Variants in CDH19 observed in about 807,000 individuals in gnomAD.
CDH19 encodes the protein cadherin 19, also known as cadherin-19.
CDH19 carries 67 observed loss-of-function variants against 64.2 expected under a neutral mutation model. The ratio of observed to expected loss-of-function variants is 1.04; its 90% CI spans 0.86 to 1.28. The LOEUF (loss-of-function observed/expected upper bound fraction) is 1.28, where lower values mean the gene tolerates loss of function less well. Among genes scored for constraint, CDH19 ranks in the 50% most tolerant of loss-of-function variants. CDH19 has a pLI of 0.00. For missense variants in CDH19, 1,030 were observed against 929.0 expected, an observed-to-expected ratio of 1.11 and a Z score of -1.41; for synonymous variants, 346 against 319.3, an observed-to-expected ratio of 1.08 and a Z score of -0.89.
At chr18:66,522,327 C>T (rs1986031831) in intron 9 of CDH19, among the ~76,000 whole-genome samples, 1 of 152,006 alleles carries the variant, frequency 6.6e-6, no homozygotes, top group Non-Finnish European at 1.5e-5. Context: ...ACTGCAACCT[C>T]CACCTCCCAA....
intron 3 of CDH19, among the ~76,000 whole-genome samples, chr18:66,560,080 G>A (rs534899284): frequency 2.6e-5 from 4 of 152,182 alleles, no homozygotes; most frequent in African/African-American, 9.6e-5. Context: ...TGTCGCCCAG[G>A]TTGGAGTGCA....
At chr18:66,596,836 A>T (rs1988902523) in intron 1 of CDH19, among the ~76,000 whole-genome samples, 1 of 151,690 alleles carries the variant, frequency 6.6e-6, no homozygotes, top group South Asian at 2.1e-4. Flanking sequence ...TAGTCCCAGC[A>T]CTTTGGGAGG....
At chr18:66,545,831 T>A (rs563778415) in intron 5 of CDH19, among the ~76,000 whole-genome samples, 8 of 152,132 alleles carry the variant, frequency 5.3e-5, no homozygotes, top group African/African-American at 1.9e-4. Context: ...AAGGAGTTGG[T>A]AAGTGAATGT....
intron 1 of CDH19, among the ~76,000 whole-genome samples, chr18:66,601,141 C>A (rs1989028331): frequency 6.6e-6 from 1 of 151,776 alleles, no homozygotes; most frequent in Admixed American, 6.6e-5. Flanking sequence ...TTATGTTTAT[C>A]TTTATGTTTA....
chr18:66,577,156 G>A (rs1318150849), intron 1 of CDH19, among the ~76,000 whole-genome samples: 1 of 151,622 alleles, frequency 6.6e-6, no homozygotes, highest in Non-Finnish European at 1.5e-5. Flanking sequence ...TTGTATAAAT[G>A]CAATTTTAAA....
At chr18:66,595,786 G>A (rs1270374540) in intron 1 of CDH19, among the ~76,000 whole-genome samples, 2 of 152,066 alleles carry the variant, frequency 1.3e-5, no homozygotes, top group African/African-American at 4.8e-5. Context: ...AAAAATTTGA[G>A]GAGGATGGAC....
chr18:66,522,474 C>A (rs927877548), intron 9 of CDH19, among the ~76,000 whole-genome samples: 5 of 151,614 alleles, frequency 3.3e-5, no homozygotes, highest in Non-Finnish European at 5.9e-5. Flanking sequence ...GGTTTCGAAC[C>A]CCTGACCTCA....
intron 1 of CDH19, among the ~76,000 whole-genome samples, chr18:66,596,793 T>C (rs951661271): frequency 2.7e-5 from 4 of 148,534 alleles, no homozygotes; most frequent in Admixed American, 1.3e-4. Context: ...TTAAAAAAAA[T>C]CATACTAGGC....
rs760306386 is a variant in CDH19, at chr18:66,544,108, G to T, written c.1077C>A (p.Ile359=). The part of the protein sequence containing the change: ...HTEASTTFIK[I]QVEDVDEPPL... ...GAGGCTCATCAACATCTTCCACCTG[G>T]ATCTTAATGAAAGTGGTGGAAGCCT... Residue 359 remains isoleucine (I), a synonymous_variant, in exon 7 of 12, where the codon ATC becomes ATA. Transcript: ENST00000262150. 1 of 1,613,928 alleles carries T rather than the reference G, an allele frequency of 6.2e-7. No individual in the cohort carries two copies. The highest frequency in any genetic ancestry group is 8.5e-7 in the Non-Finnish European group (1 of 1,179,926).
intron 5 of CDH19, among the ~76,000 whole-genome samples, chr18:66,549,145 T>A (rs1987249113): frequency 6.6e-6 from 1 of 152,158 alleles, no homozygotes; most frequent in African/African-American, 2.4e-5. Context: ...AGGAATACCA[T>A]CATCTCATAT....
Position 66,572,080 on chromosome 18 carries a change from T to C in CDH19, c.125A>G (p.Lys42Arg), listed in dbSNP as rs1302372093. Reference sequence around the variant, plus strand: ...AAATTGGTTCCACACCCAGCCACGCTTCACTCTCAAATGAGATCGCACTGG... The same window carrying C: ...AAATTGGTTCCACACCCAGCCACGCCTCACTCTCAAATGAGATCGCACTGG... ...KQPVRSHLRVKRGWVWNQFFV... is the reference protein window; with the variant it reads ...KQPVRSHLRVRRGWVWNQFFV... Residue 42 changes from lysine to arginine, a missense_variant, in exon 2 of 12, where the codon AAG (lysine) becomes AGG (arginine). Transcript: ENST00000262150. 2 of 1,611,642 alleles carry C rather than the reference T, an allele frequency of 1.2e-6. No individual in the cohort carries two copies. Among genetic ancestry groups the C allele is most frequent in the South Asian group, 2.2e-5 (2 of 91,002 alleles).
intron 5 of CDH19, among the ~76,000 whole-genome samples, chr18:66,545,900 T>C (rs948418276): frequency 2.0e-5 from 3 of 152,148 alleles, no homozygotes; most frequent in Middle Eastern, 3.4e-3. Flanking sequence ...TAAGAAATAA[T>C]TGCAGATGTA....
At chr18:66,571,138 C>G (rs373083992) in intron 2 of CDH19, among the ~76,000 whole-genome samples, 1 of 151,188 alleles carries the variant, frequency 6.6e-6, no homozygotes, top group Non-Finnish European at 1.5e-5. Flanking sequence ...CCTCCCTGCA[C>G]GTTTGGAAAT....
At position 66,604,081 on chromosome 18, in the gene CDH19, GC is replaced by G. The variant is rs1989102809; in HGVS notation, c.-241del. On this transcript the variant is annotated 5_prime_UTR_variant, in exon 1 of 12. The change creates a premature stop within an existing upstream ORF in the 5' untranslated region. Coordinates refer to ENST00000262150, the MANE Select transcript of CDH19 (RefSeq NM_021153.4). ...AGTCTTCTCAGCAAACTCTCGATGTGCCCCATTGCCCAGAGTTACAGACGCT... is the reference window on the plus strand; with the variant it reads ...AGTCTTCTCAGCAAACTCTCGATGTGCCCATTGCCCAGAGTTACAGACGCT... 1 of 152,124 alleles carries G rather than the reference GC, an allele frequency of 6.6e-6. No homozygotes were observed. Among genetic ancestry groups the G allele is most frequent in the South Asian group, 2.1e-4 (1 of 4,812 alleles). 9.4% of individuals were successfully genotyped at this position (152,124 alleles called of 1,614,324 possible).
rs114537605 is a variant in CDH19, at chr18:66,520,426, G to C, written c.1459-8741C>G. ...ATACAAATAAATCCATCATGAAAAA[G>C]TTACCAATTATTTTTGGAGATAAGG... On this transcript the variant is annotated intron_variant, in intron 9 of 11. Transcript: ENST00000262150. Among the ~76,000 whole-genome samples, 1,113 of 139,814 alleles carry C rather than the reference G, an allele frequency of 8.0e-3. 10 individuals are homozygous for C. The highest frequency in any genetic ancestry group is 0.027 in the African/African-American group (1,036 of 37,814). The allele number at this position is 139,814 out of a possible 152,430, so 91.7% of individuals were successfully genotyped here.
intron 1 of CDH19, among the ~76,000 whole-genome samples, chr18:66,581,640 T>C (rs773989405): frequency 3.3e-5 from 5 of 152,062 alleles, no homozygotes; most frequent in East Asian, 1.9e-4. Context: ...TATCAGACTT[T>C]AGGTTCTTCG....
chr18:66,535,201 T>G, intron 7 of CDH19, 94 bp from the exon 8 acceptor site: 1 of 657,328 alleles, frequency 1.5e-6, no homozygotes, highest in Non-Finnish European at 2.3e-6. Context: ...TCTTATTCAA[T>G]GCATGCTCTA....
chr18:66,543,433 T>G (rs1333030999), intron 7 of CDH19, among the ~76,000 whole-genome samples: 2 of 152,190 alleles, frequency 1.3e-5, no homozygotes, highest in Non-Finnish European at 2.9e-5. Flanking sequence ...GGGAATATAA[T>G]GCACTGAATT....
chr18:66,601,389 A>G (rs567666815), intron 1 of CDH19, among the ~76,000 whole-genome samples: 16 of 152,008 alleles, frequency 1.1e-4, no homozygotes, highest in Admixed American at 5.9e-4. Flanking sequence ...TGATGTGCCA[A>G]AATTATCCCC....
Sources: gnomAD v4.1 joint callset for allele counts (sites outside exome capture counted in the v4.1 genomes callset) on GRCh38, gnomAD v4.1.1 for gene constraint, MANE v1.5 for transcripts, NCBI Gene and HGNC (gene_info 2026-07-23, HGNC 2026-07-21) for gene names.